Variants in SNED1 observed in about 807,000 individuals in gnomAD.
The protein encoded by SNED1 is sushi, nidogen and EGF-like domain-containing protein 1.
SNED1 carries 81 observed loss-of-function variants against 166.7 expected under a neutral mutation model. That is an observed-to-expected ratio of 0.49 (90% CI 0.41 to 0.58). The LOEUF (loss-of-function observed/expected upper bound fraction) is 0.58. Ranked by LOEUF, SNED1 falls within the 20% of genes least tolerant of loss-of-function variation. The probability of loss-of-function intolerance (pLI) is 0.00; values close to 1 mark genes in which losing one functional copy is unlikely to be tolerated. For synonymous variants in SNED1, 762 were observed against 822.0 expected, an observed-to-expected ratio of 0.93 and a Z score of 1.25; for missense variants, 1,604 against 2,000.2, an observed-to-expected ratio of 0.80 and a Z score of 3.78.
At position 241,094,473 on chromosome 2, in the gene SNED1, C is replaced by T. The variant is rs1341165954; in HGVS notation, c.*2837C>T. On this transcript the variant is annotated 3_prime_UTR_variant, in exon 32 of 32. Transcript: ENST00000310397. The surrounding 1 kb of genome is among the most constrained non-coding windows in gnomAD (Gnocchi z 4.3). Reference sequence around the variant, plus strand: ...GCACCTAGATTTCAGTGCTGAATCCCCACAATTGCATGCAGCTCACACCTA... The same window carrying T: ...GCACCTAGATTTCAGTGCTGAATCCTCACAATTGCATGCAGCTCACACCTA... 4.3e-6 allele frequency: 2 copies of T among 464,708 alleles called. No individual in the cohort carries two copies. Among genetic ancestry groups the T allele is most frequent in the Non-Finnish European group, 8.9e-6 (2 of 223,468 alleles). The allele number at this position is 464,708 out of a possible 1,614,324, so 28.8% of individuals were successfully genotyped here. A position where few individuals can be genotyped will look rare whatever the true frequency, so the allele number is the denominator to read the frequency against.
Position 241,020,728 on chromosome 2 carries a change from G to A in SNED1, c.214-9556G>A, listed in dbSNP as rs78776969. Among the ~76,000 whole-genome samples, 1,201 of 152,268 alleles carry A rather than the reference G, an allele frequency of 7.9e-3. 15 individuals carry two copies. The highest frequency in any genetic ancestry group is 0.027 in the African/African-American group (1,128 of 41,550). Reference sequence around the variant, plus strand: ...GGCCAGTAGCCACCCCACCTTAAAGGGGGTGCAGTGGAGTACTGCCCTGGG... The same window carrying A: ...GGCCAGTAGCCACCCCACCTTAAAGAGGGTGCAGTGGAGTACTGCCCTGGG... On this transcript the variant is annotated intron_variant, in intron 1 of 31. Transcript: ENST00000310397.
At position 241,082,973 on chromosome 2, in the gene SNED1, G is replaced by A. The variant is rs1158544030; in HGVS notation, c.4121+609G>A. 2.0e-5 allele frequency among the ~76,000 whole-genome samples: 3 copies of A among 152,176 alleles called. No homozygotes were observed. In the East Asian group the frequency reaches 5.8e-4, roughly 29 times the overall value. On this transcript the variant is annotated intron_variant, in intron 29 of 31. Transcript: ENST00000310397. The stretch of plus-strand genomic sequence containing the variant: ...TTACTGAGTACCTGCTGTGTGCCGG[G>A]CACTGTTCTAGATACTCAGCACACA...
At chr2:241,017,215 A>G (rs919256281) in intron 1 of SNED1, among the ~76,000 whole-genome samples, 1 of 152,210 alleles carries the variant, frequency 6.6e-6, no homozygotes, top group African/African-American at 2.4e-5. Flanking sequence ...CCTTCTTACA[A>G]ACTAACAAGT....
chr2:241,049,159 G>A (rs772147283), intron 11 of SNED1, 24 bp downstream of exon 11: 49 of 1,580,248 alleles, frequency 3.1e-5, no homozygotes, highest in Non-Finnish European at 4.0e-5. Flanking sequence ...GGACGAGCCT[G>A]CTGGGCCGGG....
rs1021740018 is a variant in SNED1 at position 241,095,404 on chromosome 2, A to G, written c.*3768A>G. 4.6e-5 allele frequency: 7 copies of G among 152,804 alleles called. No homozygotes were observed. The highest frequency in any genetic ancestry group is 1.4e-4 in the African/African-American group (6 of 41,456). 9.5% of individuals were successfully genotyped at this position (152,804 alleles called of 1,614,324 possible). On this transcript the variant is annotated 3_prime_UTR_variant, in exon 32 of 32. Coordinates refer to ENST00000310397, the MANE Select transcript of SNED1 (RefSeq NM_001080437.3). ...TGCCAGCATTTTGCTGGCCTTAAGA[A>G]GCCATGCAAAATTAACCAGTACATC...
rs1163634406 is a variant in SNED1, at chr2:241,073,541, C to G, written c.3916+177C>G. The G allele has an allele frequency of 3.1e-6, 2 of 650,140 alleles. No individual in the cohort carries two copies. Among genetic ancestry groups the G allele is most frequent in the East Asian group, 5.5e-5 (2 of 36,558 alleles). The allele number at this position is 650,140 out of a possible 1,614,324, so 40.3% of individuals were successfully genotyped here. A position where few individuals can be genotyped will look rare whatever the true frequency, so the allele number is the denominator to read the frequency against. On this transcript the variant is annotated intron_variant, in intron 27 of 31. Coordinates refer to ENST00000310397, the MANE Select transcript of SNED1 (RefSeq NM_001080437.3). The surrounding 1 kb of genome is among the most constrained non-coding windows in gnomAD (Gnocchi z 6.6). ...GAAGATGGGGTGAAGCTACACCACC[C>G]AAGCAGTGGGACCCCACAGACGGGA...
intron 8 of SNED1, among the ~76,000 whole-genome samples, chr2:241,045,428 G>T (rs545115847): frequency 1.3e-5 from 2 of 152,206 alleles, no homozygotes; most frequent in Admixed American, 1.3e-4. Context: ...GATCAATTCA[G>T]TGTGATATTG....
chr2:241,001,365 C>T (rs1355078555), intron 1 of SNED1, among the ~76,000 whole-genome samples: 1 of 152,252 alleles, frequency 6.6e-6, no homozygotes, highest in Non-Finnish European at 1.5e-5. Flanking sequence ...GGATTACTGC[C>T]CTAGCAAGAC....
intron 1 of SNED1, chr2:241,010,031 A>G (rs949489319): frequency 5.3e-5 from 8 of 152,338 alleles, no homozygotes; most frequent in African/African-American, 1.7e-4. Context: ...CTGCCAGGAA[A>G]TAAAAGACAT....
At position 241,024,233 on chromosome 2, in the gene SNED1, A is replaced by C. The variant is rs149406046; in HGVS notation, c.214-6051A>C. Among the ~76,000 whole-genome samples, 447 of 68,476 alleles carry C rather than the reference A, an allele frequency of 6.5e-3. 7 individuals are homozygous for C. Among genetic ancestry groups the C allele is most frequent in the African/African-American group, 0.027 (431 of 15,984 alleles). The allele number at this position is 68,476 out of a possible 152,430, so 44.9% of individuals were successfully genotyped here. The stretch of plus-strand genomic sequence containing the variant: ...TGGTGTAGTTGTATTTCACTCTACT[A>C]CCTTTTTTTTTTTTTTTTTTTTTTT... On this transcript the variant is annotated intron_variant, in intron 1 of 31. Coordinates refer to ENST00000310397, the MANE Select transcript of SNED1 (RefSeq NM_001080437.3).
chr2:241,093,294 C>T lies in SNED1; in HGVS notation c.*1658C>T, dbSNP rs16843245. The T allele has an allele frequency of 0.087, 13,260 of 152,692 alleles. 680 individuals carry two copies. The highest frequency in any genetic ancestry group is 0.14 in the African/African-American group (5,744 of 41,540). The allele number at this position is 152,692 out of a possible 1,614,324, so 9.5% of individuals were successfully genotyped here. A position where few individuals can be genotyped will look rare whatever the true frequency, so the allele number is the denominator to read the frequency against. Reference sequence around the variant, plus strand: ...GACTTCCTGCCGCCCTGGGACCTGTCACTGTTTGTCCATGTAAGCTACAGC... The same window carrying T: ...GACTTCCTGCCGCCCTGGGACCTGTTACTGTTTGTCCATGTAAGCTACAGC... On this transcript the variant is annotated 3_prime_UTR_variant, in exon 32 of 32. Coordinates refer to ENST00000310397, the MANE Select transcript of SNED1 (RefSeq NM_001080437.3).
rs940372492 is a variant in SNED1, at chr2:241,065,567, C to T, written c.2982C>T (p.Ser994=). The T allele has an allele frequency of 1.2e-6, 2 of 1,612,536 alleles. No homozygotes were observed. The highest frequency in any genetic ancestry group is 1.7e-6 in the Non-Finnish European group (2 of 1,179,798). The part of the protein sequence containing the change: ...KRNSNNKNDI[S]RPAVLLARTR... ...ACAGTAACAACAAGAATGACATCAG[C>T]AGGCCTGCCGTGCTGCTGGCCCGCA... Residue 994 remains serine (S), a synonymous_variant, in exon 21 of 32, where the codon AGC becomes AGT. Coordinates refer to ENST00000310397, the MANE Select transcript of SNED1 (RefSeq NM_001080437.3).
At chr2:241,042,704 AAT>A (rs1261627385) in intron 8 of SNED1, among the ~76,000 whole-genome samples, 2 of 152,236 alleles carry the variant, frequency 1.3e-5, no homozygotes, top group African/African-American at 2.4e-5. Flanking sequence ...AGAAATGAAA[AAT>A]ATATCTGAGT....
chr2:241,002,198 C>G (rs2060096738), intron 1 of SNED1, among the ~76,000 whole-genome samples: 1 of 152,188 alleles, frequency 6.6e-6, no homozygotes, highest in Non-Finnish European at 1.5e-5. Flanking sequence ...CACCCCATCA[C>G]TGTCACGGTT....
chr2:241,031,894 C>T lies in SNED1; in HGVS notation c.501+1323C>T, dbSNP rs535297857. Among the ~76,000 whole-genome samples the T allele has an allele frequency of 5.9e-5, 9 of 152,346 alleles. No homozygotes were observed. The East Asian group carries it at 9.6e-4, about 16-fold the overall frequency. On this transcript the variant is annotated intron_variant, in intron 2 of 31. Transcript: ENST00000310397. ...CAAACTAGCCCAGCACCAAGCGGCA[C>T]GTGAATTTGTTTCACCTGCACCCCA... is the stretch of plus-strand genomic sequence containing the variant.
At position 241,064,265 on chromosome 2, in the gene SNED1, T is replaced by A; in HGVS notation, c.2599+140T>A. 1.6e-6 allele frequency: 1 copy of A among 614,892 alleles called. No homozygotes were observed. The highest frequency in any genetic ancestry group is 2.7e-6 in the Non-Finnish European group (1 of 364,698). 38.1% of individuals were successfully genotyped at this position (614,892 alleles called of 1,614,324 possible). The stretch of plus-strand genomic sequence containing the variant: ...CGCCCTCTGCCCGCCGCCTTGGAAG[T>A]CCCCTTCTCAGGCCAGTGGCCCTCC... On this transcript the variant is annotated intron_variant, in intron 19 of 31. Coordinates refer to ENST00000310397, the MANE Select transcript of SNED1 (RefSeq NM_001080437.3). This position sits in a 1 kb window ranked among gnomAD's most constrained non-coding sequence, Gnocchi z 7.0.
rs2061871975 is a variant in SNED1, at chr2:241,052,439, C to T, written c.2054C>T (p.Ala685Val). 1 of 1,609,446 alleles carries T rather than the reference C, an allele frequency of 6.2e-7. No homozygotes were observed. Among genetic ancestry groups the T allele is most frequent in the Non-Finnish European group, 8.5e-7 (1 of 1,177,758 alleles). ...ACGGATTTCTTCTGCCACTGCCAAG[C>T]AGGGTACATGGGACGCCGGTGCCAG... Reference protein sequence around the residue: ...RDTDFFCHCQAGYMGRRCQAE... With the variant: ...RDTDFFCHCQVGYMGRRCQAE... Residue 685 changes from alanine to valine, a missense_variant, in exon 15 of 32, where the codon GCA becomes GTA. By Grantham distance (64) the Ala-to-Val change is moderately conservative (BLOSUM62 0). This residue lies in a region of SNED1 where 1,237 missense variants were observed against 1,620.8 expected (regional missense o/e 0.76). Transcript: ENST00000310397.
At chr2:241,038,256 A>G (rs939259662) in intron 6 of SNED1, among the ~76,000 whole-genome samples, 1 of 152,230 alleles carries the variant, frequency 6.6e-6, no homozygotes, top group African/African-American at 2.4e-5. Flanking sequence ...GCATTCAAAT[A>G]GTGACTATAT....
At chr2:241,063,965 C>G (rs1235616938) in intron 18 of SNED1, 47 bp from the exon 19 acceptor site, 1 of 1,381,660 alleles carries the variant, frequency 7.2e-7, no homozygotes, top group African/African-American at 1.4e-5. Flanking sequence ...CTCCCTCCCC[C>G]AGACTCCCCC....
Sources: gnomAD v4.1 joint callset for allele counts (sites outside exome capture counted in the v4.1 genomes callset) on GRCh38, gnomAD v4.1.1 for gene constraint, gnomAD v4.1.1 regional missense constraint, Gnocchi (gnomAD v3.1) non-coding constraint, MANE v1.5 for transcripts, NCBI Gene and HGNC (gene_info 2026-07-23, HGNC 2026-07-21) for gene names.